RIMS2: variants seen among roughly 807,000 people sequenced by gnomAD.
RIMS2 encodes regulating synaptic membrane exocytosis protein 2.
In RIMS2, 59 loss-of-function variants were observed where a neutral mutation model predicts 174.4. The observed-to-expected ratio is 0.34, with a 90% CI of 0.27 to 0.42. RIMS2 has a LOEUF of 0.42. Ranked by LOEUF, RIMS2 falls within the 10% of genes least tolerant of loss-of-function variation. RIMS2 has a pLI of 1.00. For synonymous variants in RIMS2, 606 were observed against 572.5 expected (o/e 1.06, Z -0.84); for missense variants, 1,620 against 1,666.3 (o/e 0.97, Z 0.48).
At chr8:103,608,565 C>T (rs2095238773) in intron 1 of RIMS2, among the ~76,000 whole-genome samples, 2 of 145,614 alleles carry the variant, frequency 1.4e-5, no homozygotes, top group South Asian at 4.2e-4. Flanking sequence ...CAAGCCTGGG[C>T]AATGGTGGGC....
At chr8:103,794,401 TC>T (rs2098532042) in intron 3 of RIMS2, among the ~76,000 whole-genome samples, 3 of 152,152 alleles carry the variant, frequency 2.0e-5, no homozygotes, top group South Asian at 4.1e-4. Flanking sequence ...TGAAACTGGA[TC>T]CCTTCCTTAC....
intron 1 of RIMS2, among the ~76,000 whole-genome samples, chr8:103,584,983 A>G (rs1393092233): frequency 1.3e-5 from 2 of 152,238 alleles, no homozygotes; most frequent in Non-Finnish European, 2.9e-5. Flanking sequence ...GTTGCCTAAA[A>G]GAAACACACT....
intron 1 of RIMS2, among the ~76,000 whole-genome samples, chr8:103,640,922 T>G (rs2096215486): frequency 6.6e-6 from 1 of 152,128 alleles, no homozygotes; most frequent in Non-Finnish European, 1.5e-5. Flanking sequence ...CTGCCAACTG[T>G]ATATGTCAAT....
chr8:103,740,500 G>C (rs893965897), intron 2 of RIMS2, among the ~76,000 whole-genome samples: 2 of 152,144 alleles, frequency 1.3e-5, no homozygotes, highest in African/African-American at 4.8e-5. Context: ...TTATAGATTG[G>C]GGAACTTATC....
chr8:104,160,042 G>C (rs1046298756), intron 19 of RIMS2, among the ~76,000 whole-genome samples: 2 of 152,108 alleles, frequency 1.3e-5, no homozygotes, highest in Admixed American at 1.3e-4. Context: ...GGGAGGCTGA[G>C]GCGGGAGGAT....
chr8:104,045,382 G>A (rs1422871104), intron 19 of RIMS2, among the ~76,000 whole-genome samples: 4 of 151,800 alleles, frequency 2.6e-5, no homozygotes, highest in African/African-American at 9.7e-5. Flanking sequence ...GAAGTAGCAT[G>A]CTTTATTAGG....
At chr8:103,982,086 C>T (rs1057110778) in intron 16 of RIMS2, among the ~76,000 whole-genome samples, 1 of 151,802 alleles carries the variant, frequency 6.6e-6, no homozygotes, top group African/African-American at 2.4e-5. Flanking sequence ...CAATTGATAC[C>T]ACAGAAATTC....
At chr8:104,249,506 G>T (rs753807627) in exon 22 of RIMS2, 1 of 1,608,168 alleles carries the variant, frequency 6.2e-7, no homozygotes, top group South Asian at 1.1e-5. Flanking sequence ...AGGTAGGAAT[G>T]ATGGACAAAA....
At chr8:103,668,438 A>G (rs2096702636) in intron 1 of RIMS2, among the ~76,000 whole-genome samples, 1 of 152,180 alleles carries the variant, frequency 6.6e-6, no homozygotes, top group Non-Finnish European at 1.5e-5. Context: ...GAATATATGC[A>G]TTGAAAACAA....
intron 3 of RIMS2, among the ~76,000 whole-genome samples, chr8:103,789,254 G>C (rs2098473854): frequency 6.6e-6 from 1 of 152,104 alleles, no homozygotes; most frequent in East Asian, 1.9e-4. Context: ...GCTGGGAGCT[G>C]TAGACCGGAG....
intron 19 of RIMS2, among the ~76,000 whole-genome samples, chr8:104,180,741 C>A (rs2098934948): frequency 6.6e-6 from 1 of 151,524 alleles, no homozygotes; most frequent in Non-Finnish European, 1.5e-5. Context: ...GGATCTTTTG[C>A]CAATCTAAAA....
chr8:104,075,952 T>C (rs534879621), intron 19 of RIMS2, among the ~76,000 whole-genome samples: 2 of 152,234 alleles, frequency 1.3e-5, no homozygotes, highest in Non-Finnish European at 2.9e-5. Context: ...TTCTAAGCTG[T>C]CTAAGTTGCT....
At chr8:104,027,263 CT>C (rs1470946942) in intron 19 of RIMS2, among the ~76,000 whole-genome samples, 8 of 152,178 alleles carry the variant, frequency 5.3e-5, no homozygotes, top group Non-Finnish European at 1.2e-4. Context: ...AATCCATAAA[CT>C]TAAGTGTACC....
chr8:103,961,441 G>T (rs1190479329), intron 15 of RIMS2, among the ~76,000 whole-genome samples: 8 of 152,014 alleles, frequency 5.3e-5, no homozygotes, highest in Non-Finnish European at 7.4e-5. Flanking sequence ...TTTTTATACT[G>T]CACTAATATG....
At chr8:104,206,518 T>A (rs937669542) in intron 19 of RIMS2, among the ~76,000 whole-genome samples, 23 of 152,254 alleles carry the variant, frequency 1.5e-4, no homozygotes, top group African/African-American at 5.5e-4. Flanking sequence ...ATAATGATGA[T>A]AATAATACTT....
intron 3 of RIMS2, among the ~76,000 whole-genome samples, chr8:103,790,763 AG>A (rs1564645616): frequency 6.6e-6 from 1 of 152,142 alleles, no homozygotes; most frequent in African/African-American, 2.4e-5. Context: ...TATATTTAAA[AG>A]GCCCTTTCTT....
rs1251732185 is a variant in RIMS2 at position 103,652,649 on chromosome 8, G to A, written c.177-44437G>A. 4 of 1,350,196 alleles carry A rather than the reference G, an allele frequency of 3.0e-6. No individual in the cohort carries two copies. The African/African-American group carries it at 5.9e-5, about 20-fold the overall frequency. The allele number at this position is 1,350,196 out of a possible 1,614,324, so 83.6% of individuals were successfully genotyped here. ...GTGGTTTCCCTTTAGTGGAATCACT[G>A]AACTGGTAAATAACGTTCTTCAGCC... On this transcript the variant is annotated intron_variant, in intron 1 of 23. Coordinates refer to ENST00000504942, the Ensembl canonical transcript of RIMS2.
At chr8:103,616,230 A>G (rs961881028) in intron 1 of RIMS2, among the ~76,000 whole-genome samples, 1 of 152,176 alleles carries the variant, frequency 6.6e-6, no homozygotes, top group Non-Finnish European at 1.5e-5. Flanking sequence ...AAATCAATAA[A>G]TATGATTCAT....
intron 19 of RIMS2, among the ~76,000 whole-genome samples, chr8:104,057,973 G>T (rs2096903922): frequency 6.6e-6 from 1 of 152,024 alleles, no homozygotes; most frequent in Non-Finnish European, 1.5e-5. Flanking sequence ...TATCGTTGTT[G>T]GACATTTGGG....
Sources: allele counts gnomAD v4.1 joint callset (sites outside exome capture counted in the v4.1 genomes callset), GRCh38; gene constraint gnomAD v4.1.1; transcripts MANE v1.5; gene names NCBI Gene and HGNC (gene_info 2026-07-23, HGNC 2026-07-21).